The following DKK2 variants were observed in gnomAD, a reference collection of about 807,000 sequenced individuals.
DKK2 encodes the protein dickkopf-related protein 2.
Under a neutral mutation model 28.1 loss-of-function variants are expected in DKK2, and 11 were observed. The observed-to-expected ratio is 0.39, with a 90% CI of 0.25 to 0.65. The LOEUF is 0.65. Among genes scored for constraint, DKK2 ranks in the 30% least tolerant of loss-of-function variants. DKK2 has a pLI of 0.47. For missense variants in DKK2, 326 were observed against 335.5 expected (o/e 0.97, Z 0.22); for synonymous variants, 135 against 126.5 (o/e 1.07, Z -0.45).
intron 1 of DKK2, among the ~76,000 whole-genome samples, chr4:107,016,355 C>T (rs1278767406): frequency 6.6e-6 from 1 of 151,880 alleles, no homozygotes; most frequent in African/African-American, 2.4e-5. Context: ...TGGTAATTTT[C>T]CCTGCCCTGG....
rs183228792 is a variant in DKK2, at chr4:107,029,823, A to G, written c.222+5547T>C. Among the ~76,000 whole-genome samples, 852 of 152,128 alleles carry G rather than the reference A, an allele frequency of 5.6e-3. 6 individuals carry two copies. Among genetic ancestry groups the G allele is most frequent in the Non-Finnish European group, 6.9e-3 (472 of 67,936 alleles). ...ATTTGTTCTTTTTTTGCTCTAGATT[A>G]TTTTGTTTTAAATTAGATACTGCAA... On this transcript the variant is annotated intron_variant, in intron 1 of 3. Transcript: ENST00000285311.
chr4:106,977,553 C>A (rs2110356631), intron 1 of DKK2, among the ~76,000 whole-genome samples: 1 of 152,224 alleles, frequency 6.6e-6, no homozygotes, highest in South Asian at 2.1e-4. Context: ...CTTGTGTATG[C>A]TTCACAAAGT....
chr4:106,959,312 C>T (rs1408069859), intron 1 of DKK2, among the ~76,000 whole-genome samples: 1 of 152,100 alleles, frequency 6.6e-6, no homozygotes, highest in African/African-American at 2.4e-5. Context: ...GCCTGATTGC[C>T]TTATATAAGT....
At chr4:106,940,349 C>G (rs1416591696) in intron 1 of DKK2, among the ~76,000 whole-genome samples, 2 of 152,134 alleles carry the variant, frequency 1.3e-5, no homozygotes, top group East Asian at 3.9e-4. Context: ...CCAAAAAACA[C>G]ATGAAAAAAT....
Position 106,990,733 on chromosome 4 carries a change from A to T in DKK2, c.222+44637T>A, listed in dbSNP as rs147400838. Among the ~76,000 whole-genome samples, 590 of 152,200 alleles carry T rather than the reference A, an allele frequency of 3.9e-3. 3 individuals are homozygous for T. Among genetic ancestry groups the T allele is most frequent in the African/African-American group, 0.014 (566 of 41,528 alleles). The stretch of plus-strand genomic sequence containing the variant: ...CTAGTGTCTTTTATTGGCCAAACTC[A>T]ACTGGCAACCAGAGGCAAGAAAGCA... On this transcript the variant is annotated intron_variant, in intron 1 of 3. Coordinates refer to ENST00000285311, the MANE Select transcript of DKK2 (RefSeq NM_014421.3).
Position 107,035,352 on chromosome 4 carries a change from G to A in DKK2, c.222+18C>T. The A allele has an allele frequency of 2.5e-6, 4 of 1,613,712 alleles. No individual in the cohort carries two copies. The highest frequency in any genetic ancestry group is 3.4e-6 in the Non-Finnish European group (4 of 1,179,624). On this transcript the variant is annotated intron_variant, in intron 1 of 3. Transcript: ENST00000285311. ...CCTGCCTCTTCTGTCTGAAGAATGT[G>A]TTTGGGGGTTTTCCTACCTGCCCCA...
intron 1 of DKK2, among the ~76,000 whole-genome samples, chr4:106,993,471 C>T (rs926092789): frequency 6.6e-5 from 10 of 152,182 alleles, no homozygotes; most frequent in African/African-American, 4.8e-5. Flanking sequence ...GACCAATTTC[C>T]ATTACAACTA....
intron 1 of DKK2, among the ~76,000 whole-genome samples, chr4:107,029,533 C>T (rs1249888785): frequency 6.6e-6 from 1 of 152,080 alleles, no homozygotes; most frequent in African/African-American, 2.4e-5. Flanking sequence ...TAATGGTACC[C>T]TTTATTATAA....
intron 1 of DKK2, among the ~76,000 whole-genome samples, chr4:106,953,003 C>T (rs1480774785): frequency 6.6e-6 from 1 of 152,154 alleles, no homozygotes; most frequent in Non-Finnish European, 1.5e-5. Flanking sequence ...TTTTTAGGGA[C>T]AACATTCTCT....
intron 1 of DKK2, among the ~76,000 whole-genome samples, chr4:106,956,119 A>G (rs930397575): frequency 1.3e-5 from 2 of 152,206 alleles, no homozygotes; most frequent in Admixed American, 1.3e-4. Flanking sequence ...AATGCTAATA[A>G]TAATACAATC....
intron 1 of DKK2, among the ~76,000 whole-genome samples, chr4:106,995,213 T>C (rs913275945): frequency 6.6e-6 from 1 of 152,170 alleles, no homozygotes; most frequent in African/African-American, 2.4e-5. Context: ...TTTGAATCTA[T>C]AGAATTTTTG....
chr4:106,994,029 TATC>T (rs1346854265), intron 1 of DKK2, among the ~76,000 whole-genome samples: 2 of 152,142 alleles, frequency 1.3e-5, no homozygotes, highest in African/African-American at 4.8e-5. Context: ...GGCATGATAA[TATC>T]ATGCATTGTA....
chr4:107,031,409 C>T (rs2068796), intron 1 of DKK2, among the ~76,000 whole-genome samples: 60,568 of 151,778 alleles, frequency 0.4, 13,194 homozygotes, highest in Non-Finnish European at 0.51. Context: ...AGATACAGCA[C>T]ACTTTCATTA....
intron 1 of DKK2, among the ~76,000 whole-genome samples, chr4:107,014,471 T>C (rs1723561025): frequency 6.6e-6 from 1 of 151,388 alleles, no homozygotes; most frequent in Non-Finnish European, 1.5e-5. Flanking sequence ...CAGTAGTGTT[T>C]ACCAGAGACT....
chr4:106,990,284 A>G (rs1349995807), intron 1 of DKK2, among the ~76,000 whole-genome samples: 1 of 152,146 alleles, frequency 6.6e-6, no homozygotes, highest in African/African-American at 2.4e-5. Flanking sequence ...AGTGGCTTCA[A>G]ATTGGATGAT....
chr4:106,993,298 T>C (rs1221567380), intron 1 of DKK2, among the ~76,000 whole-genome samples: 1 of 152,250 alleles, frequency 6.6e-6, no homozygotes, highest in African/African-American at 2.4e-5. Context: ...ATTCAAGAGA[T>C]AATATGTGTA....
intron 1 of DKK2, among the ~76,000 whole-genome samples, chr4:106,993,115 C>T (rs1578371099): frequency 6.6e-6 from 1 of 152,362 alleles, no homozygotes; most frequent in Non-Finnish European, 1.5e-5. Flanking sequence ...CTGGCTTTAG[C>T]CAGGGCTCAA....
intron 1 of DKK2, among the ~76,000 whole-genome samples, chr4:107,019,140 A>G (rs1202948690): frequency 6.6e-6 from 1 of 152,082 alleles, no homozygotes; most frequent in Non-Finnish European, 1.5e-5. Context: ...GCACGGCTGT[A>G]TAGAGATGTT....
At chr4:106,968,545 A>C (rs905695264) in intron 1 of DKK2, among the ~76,000 whole-genome samples, 5 of 152,164 alleles carry the variant, frequency 3.3e-5, no homozygotes, top group African/African-American at 1.2e-4. Flanking sequence ...ATTAGATTCC[A>C]AGTAAGAATC....
Sources: allele counts gnomAD v4.1 joint callset (sites outside exome capture counted in the v4.1 genomes callset), GRCh38; gene constraint gnomAD v4.1.1; transcripts MANE v1.5; gene names NCBI Gene and HGNC (gene_info 2026-07-23, HGNC 2026-07-21).